UNC5C: variants seen among roughly 807,000 people sequenced by gnomAD.
UNC5C encodes netrin receptor UNC5C.
Under a neutral mutation model 99.8 loss-of-function variants are expected in UNC5C, and 47 were observed. That is an observed-to-expected ratio of 0.47 (90% CI 0.37 to 0.60). The LOEUF (loss-of-function observed/expected upper bound fraction) is 0.60, where lower values mean the gene tolerates loss of function less well. Ranked by LOEUF, UNC5C falls within the 20% of genes least tolerant of loss-of-function variation. The probability of loss-of-function intolerance (pLI) is 0.00; values close to 1 mark genes in which losing one functional copy is unlikely to be tolerated. For missense variants in UNC5C, 1,062 were observed against 1,165.9 expected, an observed-to-expected ratio of 0.91 and a Z score of 1.30; for synonymous variants, 487 against 452.2, an observed-to-expected ratio of 1.08 and a Z score of -0.98.
At chr4:95,501,418 G>A (rs1211833071) in intron 1 of UNC5C, among the ~76,000 whole-genome samples, 1 of 151,960 alleles carries the variant, frequency 6.6e-6, no homozygotes. Context: ...AAAGAAGTTT[G>A]CTTTTTAAGG....
chr4:95,512,103 G>A (rs547859024), intron 1 of UNC5C, among the ~76,000 whole-genome samples: 76 of 152,256 alleles, frequency 5.0e-4, no homozygotes, highest in African/African-American at 1.7e-3. Context: ...AGGCAGGAGC[G>A]AGAAGGTGGA....
chr4:95,189,676 C>T lies in UNC5C; in HGVS notation c.2137-4480G>A, dbSNP rs189378517. Reference sequence around the variant, plus strand: ...ACAAACAACCCCATCAAAAAGTGGGCGAAGGATATGAACAGACACTTCTCA... The same window carrying T: ...ACAAACAACCCCATCAAAAAGTGGGTGAAGGATATGAACAGACACTTCTCA... On this transcript the variant is annotated intron_variant, in intron 12 of 15. Transcript: ENST00000453304. 6.4e-3 allele frequency among the ~76,000 whole-genome samples: 979 copies of T among 152,214 alleles called. 5 individuals are homozygous for T. Among genetic ancestry groups the T allele is most frequent in the Non-Finnish European group, 8.8e-3 (596 of 68,018 alleles).
rs372892350 is a variant in UNC5C at position 95,340,220 on chromosome 4, C to T, written c.125-4589G>A. On this transcript the variant is annotated intron_variant, in intron 1 of 15. Transcript: ENST00000453304. The stretch of plus-strand genomic sequence containing the variant: ...CTAAATATCAAGCCTTAATTTTCAT[C>T]AACTTAATACATAAGTTTCTATATT... 1.1e-4 allele frequency among the ~76,000 whole-genome samples: 17 copies of T among 152,180 alleles called. No homozygotes were observed. In the South Asian group the frequency reaches 2.9e-3, roughly 26 times the overall value.
intron 1 of UNC5C, among the ~76,000 whole-genome samples, chr4:95,448,238 G>GAGAGAGAGAGAGAGAGAGAC (rs1553973952): frequency 5.0e-4 from 68 of 136,978 alleles, no homozygotes; most frequent in Middle Eastern, 3.8e-3. Flanking sequence ...GAGAGAGAGA[G>GAGAGAGAGAGAGAGAGAGAC]AGAGAGAGAG....
At chr4:95,296,121 A>C (rs1741662750) in intron 3 of UNC5C, among the ~76,000 whole-genome samples, 1 of 152,202 alleles carries the variant, frequency 6.6e-6, no homozygotes, top group South Asian at 2.1e-4. Flanking sequence ...AAAACCCCAC[A>C]AACTTCTGCA....
chr4:95,255,979 G>A (rs1372820532), intron 4 of UNC5C, among the ~76,000 whole-genome samples: 1 of 152,078 alleles, frequency 6.6e-6, no homozygotes, highest in African/African-American at 2.4e-5. Flanking sequence ...GTGCTGCTGA[G>A]GTCTTAGTGC....
rs138344853 is a variant in UNC5C, at chr4:95,251,870, AT to A, written c.595-1204del. On this transcript the variant is annotated intron_variant, in intron 4 of 15. Coordinates refer to ENST00000453304, the MANE Select transcript of UNC5C (RefSeq NM_003728.4). ...TCTAATCCTTAGAAGAGAAGCCAACATTTATAGAGAAAAATAAAAATCAACA... is the reference window on the plus strand; with the variant it reads ...TCTAATCCTTAGAAGAGAAGCCAACATTATAGAGAAAAATAAAAATCAACA... Among the ~76,000 whole-genome samples the A allele has an allele frequency of 9.2e-3, 1,402 of 152,322 alleles. 18 individuals are homozygous for A. The highest frequency in any genetic ancestry group is 0.03 in the African/African-American group (1,252 of 41,564).
intron 2 of UNC5C, among the ~76,000 whole-genome samples, chr4:95,311,385 C>A (rs561043379): frequency 4.6e-5 from 7 of 152,294 alleles, no homozygotes; most frequent in African/African-American, 1.7e-4. Context: ...ATGCAACATT[C>A]TTCTAAATAT....
At chr4:95,317,872 C>T (rs536738857) in intron 2 of UNC5C, among the ~76,000 whole-genome samples, 1 of 152,288 alleles carries the variant, frequency 6.6e-6, no homozygotes, top group South Asian at 2.1e-4. Flanking sequence ...TCACTTCCCT[C>T]CTGCACTGTC....
chr4:95,547,159 A>G (rs1393162110), intron 1 of UNC5C, among the ~76,000 whole-genome samples: 3 of 152,096 alleles, frequency 2.0e-5, no homozygotes, highest in African/African-American at 7.2e-5. Context: ...TTTTAAATAG[A>G]CAGACAGATG....
intron 1 of UNC5C, among the ~76,000 whole-genome samples, chr4:95,485,901 T>A (rs1721314933): frequency 6.6e-6 from 1 of 151,740 alleles, no homozygotes. Context: ...CATTTAATTA[T>A]ACAACTTTCC....
chr4:95,342,788 G>T (rs368703743), intron 1 of UNC5C, among the ~76,000 whole-genome samples: 8 of 151,922 alleles, frequency 5.3e-5, no homozygotes, highest in Non-Finnish European at 1.0e-4. Context: ...TGGGCCAAAG[G>T]GGGGCCCACT....
intron 12 of UNC5C, among the ~76,000 whole-genome samples, chr4:95,193,411 C>T (rs1438999661): frequency 6.6e-6 from 1 of 152,214 alleles, no homozygotes; most frequent in East Asian, 1.9e-4. Flanking sequence ...AGTTGTACTG[C>T]AGCGGTGCCC....
intron 14 of UNC5C, among the ~76,000 whole-genome samples, chr4:95,181,316 A>T (rs1419774840): frequency 6.6e-6 from 1 of 152,166 alleles, no homozygotes; most frequent in African/African-American, 2.4e-5. Flanking sequence ...TTGTGATCAC[A>T]CTATGCAAAA....
At chr4:95,444,451 C>T (rs1747037722) in intron 1 of UNC5C, among the ~76,000 whole-genome samples, 2 of 152,068 alleles carry the variant, frequency 1.3e-5, no homozygotes, top group Non-Finnish European at 2.9e-5. Flanking sequence ...CCTGCCTCAG[C>T]CTCCCGAGTA....
rs964587937 is a variant in UNC5C, at chr4:95,166,112, C to T, written c.*3122G>A. The T allele has an allele frequency of 1.3e-5, 2 of 152,300 alleles. No individual in the cohort carries two copies. The highest frequency in any genetic ancestry group is 2.1e-4 in the South Asian group (1 of 4,824). The allele number at this position is 152,300 out of a possible 1,614,324, so 9.4% of individuals were successfully genotyped here. A position where few individuals can be genotyped will look rare whatever the true frequency, so the allele number is the denominator to read the frequency against. ...TAAACTCAGGTTAGATTGTGTTGTA[C>T]ACCACTAGATGGCAGCATGCACAAA... On this transcript the variant is annotated 3_prime_UTR_variant, in exon 16 of 16. Coordinates refer to ENST00000453304, the MANE Select transcript of UNC5C (RefSeq NM_003728.4).
chr4:95,281,608 G>A (rs1389629245), intron 3 of UNC5C, among the ~76,000 whole-genome samples: 1 of 152,190 alleles, frequency 6.6e-6, no homozygotes, highest in Non-Finnish European at 1.5e-5. Context: ...ATCATACCTT[G>A]AAGAAGATGT....
chr4:95,364,348 C>A (rs574756365), intron 1 of UNC5C, among the ~76,000 whole-genome samples: 47 of 152,290 alleles, frequency 3.1e-4, no homozygotes, highest in African/African-American at 1.1e-3. Flanking sequence ...TGGATGCTTT[C>A]AAGAACTATA....
intron 1 of UNC5C, among the ~76,000 whole-genome samples, chr4:95,423,711 C>CAGAT (rs1327232141): frequency 1.3e-5 from 2 of 152,136 alleles, no homozygotes; most frequent in African/African-American, 4.8e-5. Context: ...AGGCATAAGT[C>CAGAT]ATCTAAGGCT....
Sources: allele counts gnomAD v4.1 joint callset (sites outside exome capture counted in the v4.1 genomes callset), GRCh38; gene constraint gnomAD v4.1.1; transcripts MANE v1.5; gene names NCBI Gene and HGNC (gene_info 2026-07-23, HGNC 2026-07-21).